GGT7: variants seen among roughly 807,000 people sequenced by gnomAD.
GGT7 encodes the protein gamma-glutamyltransferase 7.
Under a neutral mutation model 69.2 loss-of-function variants are expected in GGT7, and 30 were observed. That is an observed-to-expected ratio of 0.43 (90% CI 0.32 to 0.59). The LOEUF is 0.59. GGT7 is among the 20% of genes least tolerant of loss of function. GGT7 has a pLI of 0.05. For synonymous variants in GGT7, 388 were observed against 391.8 expected, an observed-to-expected ratio of 0.99 and a Z score of 0.12; for missense variants, 733 against 901.1, an observed-to-expected ratio of 0.81 and a Z score of 2.39.
intron 13 of GGT7, chr20:34,850,784 C>T (rs1307097052): frequency 4.0e-6 from 2 of 501,040 alleles, no homozygotes; most frequent in Non-Finnish European, 8.0e-6. Flanking sequence ...TAACTCACCA[C>T]CTGCCAAAAT....
chr20:34,864,639 T>G (rs1371778689), intron 1 of GGT7, among the ~76,000 whole-genome samples: 1 of 151,152 alleles, frequency 6.6e-6, no homozygotes, highest in Admixed American at 6.6e-5. Context: ...GACAGTCACT[T>G]GAACCCACAA....
intron 13 of GGT7, among the ~76,000 whole-genome samples, chr20:34,850,387 G>A (rs1254022397): frequency 6.6e-6 from 1 of 152,200 alleles, no homozygotes; most frequent in African/African-American, 2.4e-5. Context: ...TAATAGCTAG[G>A]AGTGGTCTAG....
At chr20:34,860,065 G>A (rs1179989745) in intron 5 of GGT7, 23 bp from the exon 6 acceptor site, 5 of 1,313,638 alleles carry the variant, frequency 3.8e-6, no homozygotes, top group South Asian at 1.3e-5. Context: ...GAGAGCAGGG[G>A]GTGGAGGAGG....
intron 14 of GGT7, among the ~76,000 whole-genome samples, chr20:34,847,247 A>G (rs1475415399): frequency 2.0e-5 from 3 of 152,186 alleles, no homozygotes; most frequent in Non-Finnish European, 4.4e-5. Flanking sequence ...CCATTGGATA[A>G]GTTCAGACCC....
intron 6 of GGT7, 25 bp from the exon 7 acceptor site, chr20:34,859,664 G>C (rs1205636085): frequency 6.4e-7 from 1 of 1,552,678 alleles, no homozygotes; most frequent in East Asian, 2.3e-5. Flanking sequence ...GGGAGGCTGG[G>C]CAGGGCGGGA....
Position 34,863,450 on chromosome 20 carries a change from T to A in GGT7, c.268A>T (p.Lys90Ter). 1 of 1,612,844 alleles carries A rather than the reference T, an allele frequency of 6.2e-7. No individual in the cohort carries two copies. Among genetic ancestry groups the A allele is most frequent in the South Asian group, 1.1e-5 (1 of 90,964 alleles). The change falls in exon 2 of 15, where the codon AAA becomes TAA. Residue 90 changes from lysine to a stop codon, truncating the protein, a stop_gained. Coordinates refer to ENST00000336431, the MANE Select transcript of GGT7 (RefSeq NM_178026.3). LOFTEE classifies it high-confidence loss of function. The surrounding 1 kb of genome is among the most constrained non-coding windows in gnomAD (Gnocchi z 4.4). ...QDGSPLRETR[K>*]DPFSAAAAEC... The stretch of plus-strand genomic sequence containing the variant: ...GCCGCTGCGGCGGAGAACGGGTCTT[T>A]GCGCGTCTCGCGTAGCGGCGACCCG...
intron 14 of GGT7, among the ~76,000 whole-genome samples, chr20:34,846,273 G>GCCCTCCCTCCCT (rs200104927): frequency 7.9e-6 from 1 of 127,078 alleles, no homozygotes; most frequent in East Asian, 2.3e-4. Context: ...CCTGCTTCCA[G>GCCCTCCCTCCCT]CCCTCCCTCC....
In GGT7 at chr20:34,845,442, G is replaced by A. The variant is rs375127721; in HGVS notation, c.1875C>T (p.His625=). ...AGGATAAGACATCTACTTTCTCCAC[G>A]TGGTGACCCCTGGCTTCCAGGAACT... ...EIEFLEARGH[H]VEKVDVLSWV... The change falls in exon 15 of 15, where the codon CAC becomes CAT. Residue 625 remains histidine, a synonymous_variant. Coordinates refer to ENST00000336431, the MANE Select transcript of GGT7 (RefSeq NM_178026.3). The A allele has an allele frequency of 1.7e-5, 27 of 1,613,910 alleles. No homozygotes were observed. In the African/African-American group the frequency reaches 2.8e-4, roughly 17 times the overall value.
chr20:34,850,736 G>A (rs1264411499), intron 13 of GGT7: 3 of 421,326 alleles, frequency 7.1e-6, no homozygotes, highest in African/African-American at 2.0e-5. Flanking sequence ...CACTTGGGCC[G>A]GAACCCAGGA....
intron 14 of GGT7, among the ~76,000 whole-genome samples, chr20:34,846,138 T>A (rs1724120979): frequency 6.6e-6 from 1 of 151,950 alleles, no homozygotes; most frequent in Non-Finnish European, 1.5e-5. Flanking sequence ...AAAAAGGGGC[T>A]TTGTGGGTCT....
At chr20:34,850,502 T>C (rs2079371703) in intron 13 of GGT7, among the ~76,000 whole-genome samples, 1 of 152,206 alleles carries the variant, frequency 6.6e-6, no homozygotes, top group Admixed American at 6.5e-5. Flanking sequence ...ACCTAAAGTC[T>C]TAACCTCTCT....
At chr20:34,855,899 A>G (rs1222836493) in intron 8 of GGT7, among the ~76,000 whole-genome samples, 1 of 151,492 alleles carries the variant, frequency 6.6e-6, no homozygotes, top group Admixed American at 6.6e-5. Flanking sequence ...GGCTCAAGCA[A>G]TCCTCCCATC....
intron 12 of GGT7, 24 bp from the exon 13 acceptor site, chr20:34,851,392 C>T (rs773835971): frequency 7.5e-6 from 12 of 1,599,006 alleles, no homozygotes; most frequent in Non-Finnish European, 9.4e-6. Context: ...ACAGAGACCA[C>T]AAGGGGCAGG....
chr20:34,846,501 G>A (rs1228447739), intron 14 of GGT7, among the ~76,000 whole-genome samples: 1 of 151,832 alleles, frequency 6.6e-6, no homozygotes, highest in Non-Finnish European at 1.5e-5. Flanking sequence ...TAGAGGTGGG[G>A]GTTTATCCAT....
In GGT7 at chr20:34,845,077, T is replaced by TC. The variant is rs879087471; in HGVS notation, c.*250dup. 2.0e-4 allele frequency: 108 copies of TC among 532,280 alleles called. 1 individual carries two copies. The South Asian group carries it at 2.4e-3, about 12-fold the overall frequency. The allele number at this position is 532,280 out of a possible 1,614,324, so 33.0% of individuals were successfully genotyped here. On this transcript the variant is annotated 3_prime_UTR_variant, in exon 15 of 15. Transcript: ENST00000336431. ...AGACAGATAGTCTGATTCCTCAAGG[T>TC]CCTGCCTGCCTGGCTGTACTGTAGA...
At chr20:34,872,455 T>A (rs544998898) in intron 1 of GGT7, 192 bp downstream of exon 1, 77 of 437,358 alleles carry the variant, frequency 1.8e-4, no homozygotes, top group African/African-American at 1.5e-3. Flanking sequence ...CGTTGTCGCA[T>A]CCTACGCCTC....
chr20:34,859,796 T>C (rs2079558185), intron 6 of GGT7, among the ~76,000 whole-genome samples, 157 bp from the exon 7 acceptor site: 1 of 152,126 alleles, frequency 6.6e-6, no homozygotes, highest in Admixed American at 6.5e-5. Flanking sequence ...CTAAGGGCCC[T>C]TCCCAGACCC....
At chr20:34,871,883 G>A (rs2079784692) in intron 1 of GGT7, among the ~76,000 whole-genome samples, 1 of 152,148 alleles carries the variant, frequency 6.6e-6, no homozygotes, top group Non-Finnish European at 1.5e-5. Context: ...TGCACAGAGA[G>A]CTCTTTGCCC....
intron 12 of GGT7, 104 bp downstream of exon 12, chr20:34,852,051 A>G (rs1412482090): frequency 2.5e-6 from 2 of 790,764 alleles, no homozygotes; most frequent in Non-Finnish European, 4.5e-6. Flanking sequence ...GCTTCCTTAT[A>G]CTAGAAGATT....
Sources: allele counts gnomAD v4.1 joint callset (sites outside exome capture counted in the v4.1 genomes callset), GRCh38; gene constraint gnomAD v4.1.1; non-coding constraint Gnocchi (gnomAD v3.1); transcripts MANE v1.5; gene names NCBI Gene and HGNC (gene_info 2026-07-23, HGNC 2026-07-21).